SYT16: variants seen among roughly 807,000 people sequenced by gnomAD.
SYT16 encodes the protein synaptotagmin-16.
In SYT16, 42 loss-of-function variants were observed where a neutral mutation model predicts 61.4. The observed-to-expected ratio is 0.68, with a 90% CI of 0.53 to 0.89. SYT16 has a LOEUF of 0.89. Ranked by LOEUF, SYT16 falls within the 40% of genes least tolerant of loss-of-function variation. SYT16 has a pLI of 0.00. For missense variants in SYT16, 804 were observed against 807.3 expected (o/e 1.00, Z 0.05); for synonymous variants, 314 against 302.3 (o/e 1.04, Z -0.40).
At chr14:61,889,563 G>T (rs775851891) in intron 1 of SYT16, among the ~76,000 whole-genome samples, 4 of 151,500 alleles carry the variant, frequency 2.6e-5, no homozygotes, top group Non-Finnish European at 5.9e-5. Context: ...AAAGATCCTG[G>T]TACTTCCCTC....
At chr14:62,053,940 AT>A in intron 3 of SYT16, among the ~76,000 whole-genome samples, 1 of 152,308 alleles carries the variant, frequency 6.6e-6, no homozygotes, top group Admixed American at 6.5e-5. Flanking sequence ...TTCATCATGA[AT>A]CAGGAACCAT....
chr14:62,051,063 C>A (rs1386347802), intron 3 of SYT16, among the ~76,000 whole-genome samples: 1 of 152,242 alleles, frequency 6.6e-6, no homozygotes, highest in East Asian at 1.9e-4. Context: ...TGCCTTGCCC[C>A]CAGAGGTGGA....
chr14:62,054,139 C>T (rs556861775), intron 3 of SYT16, among the ~76,000 whole-genome samples: 4 of 152,242 alleles, frequency 2.6e-5, no homozygotes, highest in South Asian at 2.1e-4. Flanking sequence ...CAGGCATCCA[C>T]GGCATAGAAG....
chr14:62,045,845 T>A (rs2054955670), intron 3 of SYT16, among the ~76,000 whole-genome samples: 1 of 152,210 alleles, frequency 6.6e-6, no homozygotes, highest in Non-Finnish European at 1.5e-5. Flanking sequence ...CTTAATCCAG[T>A]CTATCATTGT....
chr14:61,962,330 A>G (rs936383151), intron 1 of SYT16, among the ~76,000 whole-genome samples: 2 of 152,046 alleles, frequency 1.3e-5, no homozygotes, highest in African/African-American at 4.8e-5. Flanking sequence ...CCCAGTACTT[A>G]TATCATCCCA....
At chr14:61,974,732 A>G (rs1171430852) in intron 2 of SYT16, among the ~76,000 whole-genome samples, 1 of 152,242 alleles carries the variant, frequency 6.6e-6, no homozygotes, top group Admixed American at 6.5e-5. Flanking sequence ...TAGTTTCTCA[A>G]CACTGAGTTG....
chr14:62,088,393 A>G (rs7142146), intron 7 of SYT16, among the ~76,000 whole-genome samples: 34,163 of 152,104 alleles, frequency 0.22, 4,640 homozygotes, highest in African/African-American at 0.37. Flanking sequence ...TCTATAGTGG[A>G]GAAAAAAAGC....
intron 2 of SYT16, among the ~76,000 whole-genome samples, chr14:61,977,568 G>A (rs893270701): frequency 1.3e-5 from 2 of 152,048 alleles, no homozygotes; most frequent in African/African-American, 4.8e-5. Context: ...AACAGCATGG[G>A]GGAAACCACC....
At chr14:62,043,410 T>C (rs1215176430) in intron 3 of SYT16, among the ~76,000 whole-genome samples, 3 of 148,252 alleles carry the variant, frequency 2.0e-5, no homozygotes, top group African/African-American at 7.4e-5. Context: ...TTTCTTTCTT[T>C]TTTTTTTTTT....
At chr14:61,990,656 C>T (rs2052510009) in intron 2 of SYT16, among the ~76,000 whole-genome samples, 1 of 152,146 alleles carries the variant, frequency 6.6e-6, no homozygotes, top group Non-Finnish European at 1.5e-5. Flanking sequence ...ACCAAAATAA[C>T]AGATTTTTAA....
rs1367388458 is a variant in SYT16 at position 62,109,522 on chromosome 14, C to T, written c.*8815C>T. 3 of 152,008 alleles carry T rather than the reference C, an allele frequency of 2.0e-5. No individual in the cohort carries two copies. Among genetic ancestry groups the T allele is most frequent in the Non-Finnish European group, 4.4e-5 (3 of 68,004 alleles). 9.4% of individuals were successfully genotyped at this position (152,008 alleles called of 1,614,324 possible). A position where few individuals can be genotyped will look rare whatever the true frequency, so the allele number is the denominator to read the frequency against. ...TCCATCAAATAAAATGTAGCAACTT[C>T]CAGTCTAGAATAAATTTCACCTATA... On this transcript the variant is annotated 3_prime_UTR_variant, in exon 8 of 8. Transcript: ENST00000683842.
At chr14:62,092,186 A>ACACACC (rs1289542879) in intron 7 of SYT16, among the ~76,000 whole-genome samples, 6 of 88,032 alleles carry the variant, frequency 6.8e-5, no homozygotes, top group African/African-American at 2.3e-4. Context: ...ACACACACAC[A>ACACACC]CACACACACA....
chr14:61,926,304 A>C (rs565852649), intron 1 of SYT16, among the ~76,000 whole-genome samples: 1 of 152,184 alleles, frequency 6.6e-6, no homozygotes, highest in Non-Finnish European at 1.5e-5. Flanking sequence ...CACAGTGTTT[A>C]GTTTTTATTG....
At chr14:62,035,337 T>C (rs967170630) in intron 3 of SYT16, among the ~76,000 whole-genome samples, 1 of 152,234 alleles carries the variant, frequency 6.6e-6, no homozygotes, top group African/African-American at 2.4e-5. Flanking sequence ...TGTGTACTGC[T>C]TTGATTTTTA....
At chr14:62,098,017 CAG>C (rs1168844046) in intron 7 of SYT16, among the ~76,000 whole-genome samples, 1 of 152,198 alleles carries the variant, frequency 6.6e-6, no homozygotes, top group East Asian at 1.9e-4. Context: ...GTTTCTGAGA[CAG>C]AGAAGTGTTT....
chr14:62,058,767 T>C (rs1340123791), intron 3 of SYT16, among the ~76,000 whole-genome samples: 1 of 152,166 alleles, frequency 6.6e-6, no homozygotes, highest in Non-Finnish European at 1.5e-5. Flanking sequence ...TCCTTGACTT[T>C]GATATGTTCA....
intron 7 of SYT16, among the ~76,000 whole-genome samples, chr14:62,097,816 TTG>T (rs1158043464): frequency 6.6e-6 from 1 of 152,218 alleles, no homozygotes; most frequent in Non-Finnish European, 1.5e-5. Flanking sequence ...GAGCATGCTT[TTG>T]TTTGCAAGAT....
chr14:61,998,185 A>G (rs1566750409), intron 3 of SYT16, among the ~76,000 whole-genome samples: 3 of 151,922 alleles, frequency 2.0e-5, no homozygotes, highest in Admixed American at 6.6e-5. Context: ...ACACATACAC[A>G]TATTCTTTTT....
At chr14:61,987,769 TA>T (rs2052380561) in intron 2 of SYT16, among the ~76,000 whole-genome samples, 1 of 151,680 alleles carries the variant, frequency 6.6e-6, no homozygotes, top group South Asian at 2.1e-4. Flanking sequence ...ACCACATTTT[TA>T]TAAGGCTGAT....
Sources: gnomAD v4.1 joint callset for allele counts (sites outside exome capture counted in the v4.1 genomes callset) on GRCh38, gnomAD v4.1.1 for gene constraint, MANE v1.5 for transcripts, NCBI Gene and HGNC (gene_info 2026-07-23, HGNC 2026-07-21) for gene names.